KCNG2: variants seen among roughly 807,000 people sequenced by gnomAD.
KCNG2 encodes potassium voltage-gated channel modifier subfamily G member 2, also known as voltage-gated potassium channel regulatory subunit KCNG2.
Under a neutral mutation model 12.3 loss-of-function variants are expected in KCNG2, and 7 were observed. That is an observed-to-expected ratio of 0.57 (90% CI 0.32 to 1.07). The LOEUF (loss-of-function observed/expected upper bound fraction) is 1.07. Ranked by LOEUF, KCNG2 falls within the 50% of genes least tolerant of loss-of-function variation. The probability of loss-of-function intolerance (pLI) is 0.04; values close to 1 mark genes in which losing one functional copy is unlikely to be tolerated. For missense variants in KCNG2, 703 were observed against 726.0 expected (o/e 0.97, Z 0.36); for synonymous variants, 414 against 351.4 (o/e 1.18, Z -1.99).
At chr18:79,865,056 G>A (rs900880205) in intron 3 of KCNG2, among the ~76,000 whole-genome samples, 13 of 151,146 alleles carry the variant, frequency 8.6e-5, no homozygotes, top group East Asian at 7.9e-4. Context: ...TGGGTGCTGA[G>A]GTCTGTGTGC....
At chr18:79,819,183 G>A (rs1017294813) in intron 1 of KCNG2, among the ~76,000 whole-genome samples, 2 of 152,200 alleles carry the variant, frequency 1.3e-5, no homozygotes, top group East Asian at 1.9e-4. Context: ...CAAGGCCGGC[G>A]AGGGCACCCA....
chr18:79,798,971 C>T (rs1413742222), intron 1 of KCNG2, among the ~76,000 whole-genome samples: 1 of 152,216 alleles, frequency 6.6e-6, no homozygotes, highest in African/African-American at 2.4e-5. Flanking sequence ...ACAGCAGGGG[C>T]TGCGGGGACC....
rs557041219 is a variant in KCNG2, at chr18:79,842,169, G to C, written c.-114-14210G>C. Among the ~76,000 whole-genome samples, 16 of 152,318 alleles carry C rather than the reference G, an allele frequency of 1.1e-4. No homozygotes were observed. In the South Asian group the frequency reaches 2.9e-3, roughly 28 times the overall value. On this transcript the variant is annotated intron_variant, in intron 1 of 3. Transcript: ENST00000316249. ...GGTGGCCTCTGCAGCCCAGGTACCA[G>C]GTTGGCCCTTGCAGACCCAGATACC...
chr18:79,823,550 CGA>C, intron 1 of KCNG2, among the ~76,000 whole-genome samples: 3 of 152,248 alleles, frequency 2.0e-5, no homozygotes, highest in Admixed American at 2.0e-4. Flanking sequence ...TCTCTGATTA[CGA>C]GTGTGCTTGA....
chr18:79,802,583 C>G (rs2087419053), intron 1 of KCNG2, among the ~76,000 whole-genome samples: 1 of 152,256 alleles, frequency 6.6e-6, no homozygotes, highest in African/African-American at 2.4e-5. Flanking sequence ...CTTCCTTCTC[C>G]AGCTCAGGTT....
chr18:79,832,932 G>A (rs373839387), intron 1 of KCNG2, among the ~76,000 whole-genome samples: 7 of 152,298 alleles, frequency 4.6e-5, no homozygotes, highest in East Asian at 1.9e-4. Flanking sequence ...CGGCTGGGAC[G>A]TCCTTGCTGT....
intron 1 of KCNG2, among the ~76,000 whole-genome samples, chr18:79,799,080 C>G (rs1158237803): frequency 6.6e-6 from 1 of 152,244 alleles, no homozygotes; most frequent in Non-Finnish European, 1.5e-5. Flanking sequence ...GTCCCCCCTT[C>G]TCTGCCTGCA....
chr18:79,863,776 C>G lies in KCNG2; in HGVS notation c.109C>G (p.Arg37Gly). 7.9e-7 allele frequency: 1 copy of G among 1,272,580 alleles called. No homozygotes were observed. The highest frequency in any genetic ancestry group is 1.0e-6 in the Non-Finnish European group (1 of 1,004,326). 78.8% of individuals were successfully genotyped at this position (1,272,580 alleles called of 1,614,324 possible). Reference protein sequence around the residue: ...RVRLAWAALARCPLARLERLR... With the variant: ...RVRLAWAALAGCPLARLERLR... The stretch of plus-strand genomic sequence containing the variant: ...GCGCCTGGCATGGGCCGCGCTGGCG[C>G]GATGCCCCCTCGCGCGCCTGGAGCG... The change falls in exon 3 of 4, where the codon CGA (arginine) becomes GGA (glycine). Residue 37 changes from arginine to glycine, a missense_variant. Physicochemically the swap from Arg to Gly is moderately radical, Grantham distance 125 (BLOSUM62 -2). Coordinates refer to ENST00000316249, the MANE Select transcript of KCNG2 (RefSeq NM_012283.2).
At chr18:79,823,888 T>C (rs1481245223) in intron 1 of KCNG2, among the ~76,000 whole-genome samples, 1 of 152,254 alleles carries the variant, frequency 6.6e-6, no homozygotes, top group Non-Finnish European at 1.5e-5. Flanking sequence ...TCGCTTTCCA[T>C]TTGTTCATGT....
chr18:79,895,099 G>A (rs1034444974), intron 3 of KCNG2, among the ~76,000 whole-genome samples: 2 of 151,730 alleles, frequency 1.3e-5, no homozygotes, highest in African/African-American at 4.9e-5. Flanking sequence ...GTCTGTGTCT[G>A]CTTTTGATTG....
chr18:79,896,300 G>A (rs1328891426), intron 3 of KCNG2, among the ~76,000 whole-genome samples: 1 of 149,402 alleles, frequency 6.7e-6, no homozygotes, highest in Non-Finnish European at 1.5e-5. Flanking sequence ...TTTTTTTTTA[G>A]TTCTTTCTTT....
intron 1 of KCNG2, among the ~76,000 whole-genome samples, chr18:79,821,114 T>C (rs1373526887): frequency 6.6e-6 from 1 of 152,182 alleles, no homozygotes; most frequent in African/African-American, 2.4e-5. Context: ...CACAGAAGTT[T>C]TTAATTTGAA....
chr18:79,808,130 G>A (rs1162814374), intron 1 of KCNG2, among the ~76,000 whole-genome samples: 3 of 121,060 alleles, frequency 2.5e-5, no homozygotes, highest in Admixed American at 8.1e-5. Flanking sequence ...CGCGCTCTGA[G>A]GAGCTGCCGG....
intron 1 of KCNG2, among the ~76,000 whole-genome samples, chr18:79,837,435 C>T (rs909319148): frequency 7.2e-5 from 11 of 152,224 alleles, no homozygotes; most frequent in Admixed American, 6.5e-5. Flanking sequence ...TGGCCCTCTT[C>T]TCACAGCTCC....
At chr18:79,869,051 G>A (rs867390277) in intron 3 of KCNG2, among the ~76,000 whole-genome samples, 1 of 152,282 alleles carries the variant, frequency 6.6e-6, no homozygotes, top group Non-Finnish European at 1.5e-5. Flanking sequence ...TGCTGTCCCA[G>A]GTGCAGGGGT....
At chr18:79,826,133 G>A (rs543709737) in intron 1 of KCNG2, among the ~76,000 whole-genome samples, 12 of 152,372 alleles carry the variant, frequency 7.9e-5, no homozygotes, top group African/African-American at 2.9e-4. Flanking sequence ...AGGAAGGGCC[G>A]GGAGCTCTGT....
At chr18:79,815,642 C>A (rs1390989248) in intron 1 of KCNG2, among the ~76,000 whole-genome samples, 2 of 152,192 alleles carry the variant, frequency 1.3e-5, no homozygotes, top group African/African-American at 2.4e-5. Context: ...ACAGCACAAA[C>A]CCCCAACTTC....
chr18:79,837,842 A>G (rs1568251761), intron 1 of KCNG2, among the ~76,000 whole-genome samples: 1 of 152,190 alleles, frequency 6.6e-6, no homozygotes, highest in Admixed American at 6.5e-5. Context: ...ATTTTCAAGT[A>G]TCTTTGTAGC....
At chr18:79,833,214 C>T (rs1414461521) in intron 1 of KCNG2, among the ~76,000 whole-genome samples, 6 of 152,130 alleles carry the variant, frequency 3.9e-5, no homozygotes, top group Admixed American at 3.9e-4. Context: ...TGGCTTACTA[C>T]AGCCTTGACC....
Sources: allele counts gnomAD v4.1 joint callset (sites outside exome capture counted in the v4.1 genomes callset), GRCh38; gene constraint gnomAD v4.1.1; transcripts MANE v1.5; gene names NCBI Gene and HGNC (gene_info 2026-07-23, HGNC 2026-07-21).